Variants in LRRTM3 observed in about 807,000 individuals in gnomAD.
LRRTM3 encodes leucine rich repeat transmembrane neuronal 3.
In LRRTM3, 24 loss-of-function variants were observed where a neutral mutation model predicts 44.7. The observed-to-expected ratio is 0.54, with a 90% CI of 0.39 to 0.76. LRRTM3 has a LOEUF of 0.76. Among genes scored for constraint, LRRTM3 ranks in the 30% least tolerant of loss-of-function variants. The pLI is 0.00. For missense variants in LRRTM3, 587 were observed against 702.2 expected, an observed-to-expected ratio of 0.84 and a Z score of 1.85; for synonymous variants, 277 against 278.7, an observed-to-expected ratio of 0.99 and a Z score of 0.06.
rs753104442 is a variant in LRRTM3 at position 66,927,225 on chromosome 10, T to C, written c.309T>C (p.Asn103=). Residue 103 remains asparagine (N), a synonymous_variant, in exon 2 of 3, where the codon AAT becomes AAC. Coordinates refer to ENST00000361320, the MANE Select transcript of LRRTM3 (RefSeq NM_178011.5). The surrounding 1 kb of genome is among the most constrained non-coding windows in gnomAD (Gnocchi z 4.7). The stretch of plus-strand genomic sequence containing the variant: ...ACCATATCAGCAATATTGACGAAAA[T>C]GCTTTTAATGGAATACGCAGACTCA... ...DHNHISNIDE[N]AFNGIRRLKE... 2 of 1,614,116 alleles carry C rather than the reference T, an allele frequency of 1.2e-6. No homozygotes were observed. Among genetic ancestry groups the C allele is most frequent in the East Asian group, 4.5e-5 (2 of 44,888 alleles).
Position 67,098,086 on chromosome 10 carries a change from C to T in LRRTM3, c.*290C>T. The stretch of plus-strand genomic sequence containing the variant: ...AACTCATCCTACCTACCTGTAAAAA[C>T]TGTACAAAGCTAATGTATTTTTCAT... On this transcript the variant is annotated 3_prime_UTR_variant, in exon 3 of 3. Coordinates refer to ENST00000361320, the MANE Select transcript of LRRTM3 (RefSeq NM_178011.5). 2.6e-6 allele frequency: 1 copy of T among 382,032 alleles called. No individual in the cohort carries two copies. Among genetic ancestry groups the T allele is most frequent in the Non-Finnish European group, 4.8e-6 (1 of 206,354 alleles). The allele number at this position is 382,032 out of a possible 1,614,324, so 23.7% of individuals were successfully genotyped here. A position where few individuals can be genotyped will look rare whatever the true frequency, so the allele number is the denominator to read the frequency against.
chr10:66,973,453 T>C (rs1042840965), intron 2 of LRRTM3, among the ~76,000 whole-genome samples: 4 of 152,204 alleles, frequency 2.6e-5, no homozygotes, highest in African/African-American at 9.6e-5. Context: ...CTTAGAAGCA[T>C]TAATTTCATA....
At chr10:67,038,355 A>G (rs1854192892) in intron 2 of LRRTM3, among the ~76,000 whole-genome samples, 1 of 152,200 alleles carries the variant, frequency 6.6e-6, no homozygotes, top group East Asian at 1.9e-4. Context: ...TTAAGTCACT[A>G]TATGTCAATT....
intron 2 of LRRTM3, among the ~76,000 whole-genome samples, chr10:66,953,451 GATTAC>G (rs1445040661): frequency 2.0e-5 from 3 of 152,260 alleles, no homozygotes; most frequent in African/African-American, 4.8e-5. Context: ...AAATGGTGAT[GATTAC>G]ATTACATTTT....
chr10:66,947,693 A>T (rs1045076745), intron 2 of LRRTM3, among the ~76,000 whole-genome samples: 2 of 152,126 alleles, frequency 1.3e-5, no homozygotes, highest in Admixed American at 6.6e-5. Flanking sequence ...CTGTTTTCAA[A>T]TATTTTTTTC....
intron 2 of LRRTM3, among the ~76,000 whole-genome samples, chr10:67,093,049 C>A (rs1025055114): frequency 6.6e-6 from 1 of 151,876 alleles, no homozygotes; most frequent in Non-Finnish European, 1.5e-5. Flanking sequence ...TCTTGGAAAA[C>A]GGTGATTTAG....
intron 2 of LRRTM3, among the ~76,000 whole-genome samples, chr10:66,932,126 C>G (rs1847434956): frequency 6.6e-6 from 1 of 152,076 alleles, no homozygotes; most frequent in Non-Finnish European, 1.5e-5. Context: ...CCTTTTCAGC[C>G]AGCTGAACAC....
Position 66,976,013 on chromosome 10 carries a change from C to T in LRRTM3, c.1536+47561C>T, listed in dbSNP as rs539243280. On this transcript the variant is annotated intron_variant, in intron 2 of 2. Coordinates refer to ENST00000361320, the MANE Select transcript of LRRTM3 (RefSeq NM_178011.5). ...GAGTTGATTCTTTTCTACCAACTGC[C>T]CTCTTTAATTTCCCTGTATAAAAGG... 2.2e-3 allele frequency among the ~76,000 whole-genome samples: 330 copies of T among 152,210 alleles called. 1 individual carries two copies. The highest frequency in any genetic ancestry group is 3.8e-3 in the Non-Finnish European group (258 of 68,004).
chr10:67,027,660 C>A (rs2133097692), intron 2 of LRRTM3, among the ~76,000 whole-genome samples: 1 of 152,170 alleles, frequency 6.6e-6, no homozygotes, highest in African/African-American at 2.4e-5. Context: ...TGGTCTCAAT[C>A]TCTTGACCTT....
intron 2 of LRRTM3, among the ~76,000 whole-genome samples, chr10:66,983,990 G>C (rs1205633453): frequency 6.6e-6 from 1 of 152,174 alleles, no homozygotes; most frequent in Non-Finnish European, 1.5e-5. Context: ...TATAGTTGAT[G>C]ATAATCGAGG....
chr10:67,042,861 GTAGT>G (rs1396036763), intron 2 of LRRTM3, among the ~76,000 whole-genome samples: 2 of 152,214 alleles, frequency 1.3e-5, no homozygotes, highest in South Asian at 2.1e-4. Flanking sequence ...GGAATAGGAG[GTAGT>G]TAAAGGGCAA....
intron 2 of LRRTM3, among the ~76,000 whole-genome samples, chr10:66,935,544 T>G (rs759722048): frequency 6.6e-6 from 1 of 152,090 alleles, no homozygotes. Context: ...TAAAATGGAA[T>G]ATTTAAAGAT....
intron 2 of LRRTM3, among the ~76,000 whole-genome samples, chr10:67,090,852 C>T (rs542686237): frequency 3.3e-5 from 5 of 152,014 alleles, no homozygotes; most frequent in East Asian, 3.9e-4. Context: ...ACATCTAGGC[C>T]GTCCCTGACA....
chr10:67,021,209 A>C (rs1202407451), intron 2 of LRRTM3, among the ~76,000 whole-genome samples: 1 of 152,156 alleles, frequency 6.6e-6, no homozygotes, highest in East Asian at 1.9e-4. Flanking sequence ...TATCCAACAC[A>C]ATACTGGGAA....
At chr10:67,021,163 T>C (rs1369975235) in intron 2 of LRRTM3, among the ~76,000 whole-genome samples, 3 of 152,130 alleles carry the variant, frequency 2.0e-5, no homozygotes, top group Non-Finnish European at 2.9e-5. Context: ...GAAAGTAATT[T>C]AGGCAAAAGT....
chr10:67,067,164 A>G (rs572793417), intron 2 of LRRTM3, among the ~76,000 whole-genome samples: 1 of 152,330 alleles, frequency 6.6e-6, no homozygotes, highest in East Asian at 1.9e-4. Flanking sequence ...TAAGCATGTC[A>G]TATAATAAAT....
At chr10:66,933,438 C>G (rs1847519636) in intron 2 of LRRTM3, among the ~76,000 whole-genome samples, 1 of 152,196 alleles carries the variant, frequency 6.6e-6, no homozygotes, top group Admixed American at 6.5e-5. Context: ...AGGACGTTTA[C>G]CTGTCCACTC....
chr10:67,090,074 G>A (rs916385967), intron 2 of LRRTM3, among the ~76,000 whole-genome samples: 8 of 152,184 alleles, frequency 5.3e-5, no homozygotes, highest in Non-Finnish European at 1.2e-4. Context: ...GAAAATATCT[G>A]CCAATTTCTA....
intron 2 of LRRTM3, among the ~76,000 whole-genome samples, chr10:66,997,217 G>C (rs1161718206): frequency 6.6e-6 from 1 of 152,238 alleles, no homozygotes; most frequent in East Asian, 1.9e-4. Flanking sequence ...ATTTTCCATA[G>C]TTGTGACTCA....
Sources: gnomAD v4.1 joint callset for allele counts (sites outside exome capture counted in the v4.1 genomes callset) on GRCh38, gnomAD v4.1.1 for gene constraint, Gnocchi (gnomAD v3.1) non-coding constraint, MANE v1.5 for transcripts, NCBI Gene and HGNC (gene_info 2026-07-23, HGNC 2026-07-21) for gene names.